The following ATP13A5 variants were observed in gnomAD, a reference collection of about 807,000 sequenced individuals.
ATP13A5 encodes ATPase 13A5.
ATP13A5 carries 149 observed loss-of-function variants against 150.2 expected under a neutral mutation model. That is an observed-to-expected ratio of 0.99 (90% CI 0.87 to 1.14). The LOEUF is 1.14. Among genes scored for constraint, ATP13A5 ranks in the 50% most tolerant of loss-of-function variants. The pLI is 0.00. For synonymous variants in ATP13A5, 497 were observed against 522.2 expected, an observed-to-expected ratio of 0.95 and a Z score of 0.66; for missense variants, 1,383 against 1,449.3, an observed-to-expected ratio of 0.95 and a Z score of 0.74.
chr3:193,352,791 A>G (rs1311945477), intron 6 of ATP13A5, among the ~76,000 whole-genome samples: 1 of 152,162 alleles, frequency 6.6e-6, no homozygotes, highest in African/African-American at 2.4e-5. Flanking sequence ...AATGGTAAAT[A>G]ATTTTTTAAT....
At chr3:193,281,080 A>G in intron 27 of ATP13A5, 1 of 490,628 alleles carries the variant, frequency 2.0e-6, no homozygotes, top group South Asian at 8.8e-5. Flanking sequence ...TGGGAAGGGT[A>G]TGAGGCAGAC....
chr3:193,312,380 C>T (rs1319517343), intron 19 of ATP13A5, among the ~76,000 whole-genome samples: 1 of 152,198 alleles, frequency 6.6e-6, no homozygotes, highest in African/African-American at 2.4e-5. Context: ...TTCTTCAGTG[C>T]CTAACTCCTT....
chr3:193,312,753 C>A (rs975615302), intron 19 of ATP13A5: 2 of 152,076 alleles, frequency 1.3e-5, no homozygotes, highest in East Asian at 1.9e-4. Flanking sequence ...TCAGGGAAAG[C>A]ATTGTAGTTG....
chr3:193,371,798 G>C (rs1713451578), intron 1 of ATP13A5, among the ~76,000 whole-genome samples: 1 of 152,112 alleles, frequency 6.6e-6, no homozygotes, highest in Non-Finnish European at 1.5e-5. Context: ...ACCTGATTAG[G>C]TCAGGTGTAC....
intron 1 of ATP13A5, among the ~76,000 whole-genome samples, chr3:193,364,776 C>G (rs760352718): frequency 2.0e-5 from 3 of 151,924 alleles, no homozygotes; most frequent in Non-Finnish European, 4.4e-5. Flanking sequence ...TTGAGGACGA[C>G]GGAAAGTATG....
chr3:193,333,755 G>C lies in ATP13A5; in HGVS notation c.1267C>G (p.His423Asp). The C allele has an allele frequency of 6.2e-7, 1 of 1,613,126 alleles. No homozygotes were observed. Among genetic ancestry groups the C allele is most frequent in the Non-Finnish European group, 8.5e-7 (1 of 1,179,528 alleles). Residue 423 changes from histidine (H) to aspartate (D), a missense_variant, in exon 11 of 30, where the codon CAT becomes GAT. Coordinates refer to ENST00000342358, the MANE Select transcript of ATP13A5 (RefSeq NM_198505.4). ...GCCTTACCCCCAGTACTTACTCCATGGTACATATATACCCCTAGGGCATAG... is the reference window on the plus strand; with the variant it reads ...GCCTTACCCCCAGTACTTACTCCATCGTACATATATACCCCTAGGGCATAG... ...FFYALGVYMY[H>D]GVPPKDTVTM... is the part of the protein sequence containing the mutation.
chr3:193,294,647 C>T (rs1718091121), intron 25 of ATP13A5, among the ~76,000 whole-genome samples: 1 of 151,884 alleles, frequency 6.6e-6, no homozygotes, highest in South Asian at 2.1e-4. Flanking sequence ...GAGTTAAGGC[C>T]AAAAGCCTTA....
intron 13 of ATP13A5, among the ~76,000 whole-genome samples, chr3:193,326,322 A>C (rs1166022696): frequency 6.6e-6 from 1 of 152,124 alleles, no homozygotes; most frequent in African/African-American, 2.4e-5. Flanking sequence ...TCCCTTCTGT[A>C]GCTCTTTCTG....
At chr3:193,347,462 C>T (rs1452617594) in intron 7 of ATP13A5, among the ~76,000 whole-genome samples, 1 of 151,320 alleles carries the variant, frequency 6.6e-6, no homozygotes, top group African/African-American at 2.4e-5. Flanking sequence ...GGAATATGTT[C>T]TACTAGTGCT....
Position 193,314,167 on chromosome 3 carries a change from C to A in ATP13A5, c.2185G>T (p.Val729Phe). 1.2e-6 allele frequency: 2 copies of A among 1,613,812 alleles called. No individual in the cohort carries two copies. The highest frequency in any genetic ancestry group is 1.1e-5 in the South Asian group (1 of 91,054). ...TGDNLQTAIT[V>F]AKNSEMIPPG... ...GGGATCATTTCAGAATTCTTTGCAACAGTAATGGCCGTTTGAAGGTTATCA... is the reference window on the plus strand; with the variant it reads ...GGGATCATTTCAGAATTCTTTGCAAAAGTAATGGCCGTTTGAAGGTTATCA... Residue 729 changes from valine to phenylalanine, a missense_variant, in exon 19 of 30, where the codon GTT becomes TTT. By Grantham distance (50) the Val-to-Phe change is conservative (BLOSUM62 -1). Transcript: ENST00000342358.
chr3:193,318,968 G>T, intron 17 of ATP13A5, 23 bp downstream of exon 17: 1 of 1,560,610 alleles, frequency 6.4e-7, no homozygotes, highest in Non-Finnish European at 8.8e-7. Flanking sequence ...GCCTGCTCTA[G>T]TGCCAATTTC....
chr3:193,295,967 A>T (rs1403015870), intron 25 of ATP13A5, among the ~76,000 whole-genome samples: 1 of 152,116 alleles, frequency 6.6e-6, no homozygotes, highest in East Asian at 1.9e-4. Flanking sequence ...TTAAGAGAGG[A>T]TATTGGCCTT....
intron 16 of ATP13A5, 135 bp from the exon 17 acceptor site, chr3:193,319,243 C>T (rs1719170499): frequency 1.6e-6 from 1 of 637,758 alleles, no homozygotes; most frequent in African/African-American, 1.8e-5. Context: ...CTTAGAGCTT[C>T]TCCTAAAGGC....
intron 16 of ATP13A5, among the ~76,000 whole-genome samples, chr3:193,319,626 A>G (rs2886984): frequency 0.76 from 115,894 of 152,116 alleles, 44,391 homozygotes; most frequent in East Asian, 0.98. Flanking sequence ...TCAAGCACGC[A>G]GTCTATGGTC....
At chr3:193,371,705 C>T (rs898799059) in intron 1 of ATP13A5, among the ~76,000 whole-genome samples, 2 of 152,154 alleles carry the variant, frequency 1.3e-5, no homozygotes, top group Admixed American at 6.5e-5. Context: ...AAAAATGCAA[C>T]GTAGAACCTC....
chr3:193,369,643 T>C (rs2108584188), intron 1 of ATP13A5, among the ~76,000 whole-genome samples: 1 of 151,686 alleles, frequency 6.6e-6, no homozygotes, highest in East Asian at 1.9e-4. Context: ...AAAAGGAAAA[T>C]TAATAGTATC....
At chr3:193,365,831 T>C (rs1337945066) in intron 1 of ATP13A5, among the ~76,000 whole-genome samples, 7 of 152,004 alleles carry the variant, frequency 4.6e-5, no homozygotes, top group Non-Finnish European at 1.0e-4. Flanking sequence ...TGTTTTTAAA[T>C]TAAAAAACAA....
intron 21 of ATP13A5, among the ~76,000 whole-genome samples, chr3:193,307,741 C>A (rs777106288): frequency 2.6e-5 from 4 of 152,210 alleles, no homozygotes; most frequent in Non-Finnish European, 5.9e-5. Flanking sequence ...TAACCCAATC[C>A]AGCTGCATTT....
At position 193,319,128 on chromosome 3, in the gene ATP13A5, A is replaced by G. The variant is rs1328162678; in HGVS notation, c.1916-20T>C. ...TGGGCACTGCCAGGGTAGAAGAAAC[A>G]GGTAAGTGTAAGGTCATGTTGAAGG... is the stretch of plus-strand genomic sequence containing the variant. On this transcript the variant is annotated intron_variant, in intron 16 of 29. Transcript: ENST00000342358. The G allele has an allele frequency of 4.4e-6, 7 of 1,583,694 alleles. No homozygotes were observed. Among genetic ancestry groups the G allele is most frequent in the Non-Finnish European group, 6.1e-6 (7 of 1,152,806 alleles).
Sources: gnomAD v4.1 joint callset for allele counts (sites outside exome capture counted in the v4.1 genomes callset) on GRCh38, gnomAD v4.1.1 for gene constraint, MANE v1.5 for transcripts, NCBI Gene and HGNC (gene_info 2026-07-23, HGNC 2026-07-21) for gene names.